Variants in PAX5 observed in about 807,000 individuals in gnomAD.
PAX5 encodes paired box protein Pax-5.
A neutral mutation model predicts 43.7 loss-of-function variants in PAX5; 9 were observed. That is an observed-to-expected ratio of 0.21 (90% CI 0.12 to 0.36). The LOEUF is 0.36. Among genes scored for constraint, PAX5 ranks in the 10% least tolerant of loss-of-function variants. The pLI, the probability that PAX5 is intolerant of heterozygous loss-of-function variation, is 1.00. For synonymous variants in PAX5, 228 were observed against 214.3 expected, an observed-to-expected ratio of 1.06 and a Z score of -0.56; for missense variants, 383 against 532.7, an observed-to-expected ratio of 0.72 and a Z score of 2.77.
Position 36,879,212 on chromosome 9 carries a change from G to A in PAX5, c.1012+2792C>T, listed in dbSNP as rs565247907. The stretch of plus-strand genomic sequence containing the variant: ...GTGATTCCTGCTGCCCTGTTAATGG[G>A]CAAAGAGTCGCCATCCATTCCCACT... On this transcript the variant is annotated intron_variant, in intron 8 of 9. Transcript: ENST00000358127. 2.2e-3 allele frequency among the ~76,000 whole-genome samples: 330 copies of A among 152,332 alleles called. 1 individual carries two copies. Among genetic ancestry groups the A allele is most frequent in the African/African-American group, 7.6e-3 (314 of 41,580 alleles).
At chr9:36,841,417 C>T (rs147959028) in intron 9 of PAX5, among the ~76,000 whole-genome samples, 123 of 152,386 alleles carry the variant, frequency 8.1e-4, no homozygotes, top group African/African-American at 2.9e-3. Flanking sequence ...GCACCCTCAC[C>T]CCTTTTCCCA....
chr9:36,953,537 G>C (rs1833186323), intron 6 of PAX5, among the ~76,000 whole-genome samples: 1 of 151,688 alleles, frequency 6.6e-6, no homozygotes, highest in South Asian at 2.1e-4. Context: ...TTTTCTCTTT[G>C]CTTTTCAGTG....
Position 36,954,192 on chromosome 9 carries a change from T to C in PAX5, c.780+12357A>G, listed in dbSNP as rs76756066. On this transcript the variant is annotated intron_variant, in intron 6 of 9. Coordinates refer to ENST00000358127, the MANE Select transcript of PAX5 (RefSeq NM_016734.3). ...ATATTTTGTTGAAAGTTGTACATGA[T>C]ACATGAAGTAATTGGACTAAAGTAA... is the stretch of plus-strand genomic sequence containing the variant. Among the ~76,000 whole-genome samples, 609 of 152,370 alleles carry C rather than the reference T, an allele frequency of 4.0e-3. 27 individuals carry two copies. The East Asian group carries it at 0.085, about 21-fold the overall frequency.
chr9:36,984,138 T>C (rs182581934), intron 5 of PAX5, among the ~76,000 whole-genome samples: 225 of 152,294 alleles, frequency 1.5e-3, no homozygotes, highest in Non-Finnish European at 1.7e-3. Flanking sequence ...TTCTCTCAGC[T>C]GTCTATACCT....
intron 8 of PAX5, among the ~76,000 whole-genome samples, chr9:36,868,051 A>G (rs1587816565): frequency 6.6e-6 from 1 of 152,168 alleles, no homozygotes; most frequent in East Asian, 1.9e-4. Flanking sequence ...TGAGGGCGAG[A>G]GGCAAGTCCC....
At chr9:37,025,559 G>A (rs991386083) in intron 1 of PAX5, among the ~76,000 whole-genome samples, 1 of 152,328 alleles carries the variant, frequency 6.6e-6, no homozygotes, top group African/African-American at 2.4e-5. Flanking sequence ...CTCCAGCCTG[G>A]CTCTGCAGCA....
intron 1 of PAX5, among the ~76,000 whole-genome samples, chr9:37,033,234 T>A (rs1485878033): frequency 6.6e-6 from 1 of 152,234 alleles, no homozygotes; most frequent in Non-Finnish European, 1.5e-5. Flanking sequence ...TCATTCCTGG[T>A]CCTATCTCCC....
chr9:36,878,992 G>A (rs927442903), intron 8 of PAX5, among the ~76,000 whole-genome samples: 1 of 152,206 alleles, frequency 6.6e-6, no homozygotes, highest in Admixed American at 6.5e-5. Flanking sequence ...GATGCAGAAG[G>A]AAAGAATGGA....
chr9:36,950,118 T>C (rs1832875605), intron 6 of PAX5, among the ~76,000 whole-genome samples: 2 of 152,164 alleles, frequency 1.3e-5, no homozygotes, highest in South Asian at 4.1e-4. Context: ...CATGCTCTCA[T>C]CCTGATGAGC....
In PAX5 at chr9:36,884,950, T is replaced by G. The variant is rs552437732; in HGVS notation, c.911-2845A>C. Among the ~76,000 whole-genome samples, 6 of 152,334 alleles carry G rather than the reference T, an allele frequency of 3.9e-5. 1 individual carries two copies. The South Asian group carries it at 1.0e-3, about 26-fold the overall frequency. ...GCCGCATGCACTCTACACATCACTC[T>G]GCCTCCGAGTTCCCATCACAGAGGG... On this transcript the variant is annotated intron_variant, in intron 7 of 9. Transcript: ENST00000358127.
chr9:37,009,955 A>T (rs1327865997), intron 3 of PAX5, among the ~76,000 whole-genome samples: 1 of 152,206 alleles, frequency 6.6e-6, no homozygotes, highest in Admixed American at 6.5e-5. Flanking sequence ...GGGATCTCAG[A>T]GTTATAGGCA....
In PAX5 at chr9:37,015,175, T is replaced by C; in HGVS notation, c.232A>G (p.Ile78Val). ...GATCCTCCAATTACCCCAGGCTTGA[T>C]GCTTCCTGTCTCATAATACCTAGGA... ...ILGRYYETGS[I>V]KPGVIGGSKP... is the part of the protein sequence containing the mutation. The change falls in exon 3 of 10, where the codon ATC becomes GTC. Residue 78 changes from isoleucine (I) to valine (V), a missense_variant. Coordinates refer to ENST00000358127, the MANE Select transcript of PAX5 (RefSeq NM_016734.3). The surrounding 1 kb of genome is among the most constrained non-coding windows in gnomAD (Gnocchi z 4.4). 6.2e-7 allele frequency: 1 copy of C among 1,614,178 alleles called. No homozygotes were observed. Among genetic ancestry groups the C allele is most frequent in the South Asian group, 1.1e-5 (1 of 91,076 alleles).
At chr9:36,948,029 C>T (rs552256810) in intron 6 of PAX5, among the ~76,000 whole-genome samples, 26 of 152,312 alleles carry the variant, frequency 1.7e-4, no homozygotes, top group East Asian at 3.9e-4. Context: ...ACGTCTCCCA[C>T]GTGCCAGGCA....
rs1346300644 is a variant in PAX5, at chr9:36,838,963, T to C, written c.*1597A>G. On this transcript the variant is annotated 3_prime_UTR_variant, in exon 10 of 10. Coordinates refer to ENST00000358127, the MANE Select transcript of PAX5 (RefSeq NM_016734.3). ...CTGGCTCTCTGCCATCCTGGTGACA[T>C]ACAGATATGGGGGACATTGTCACCT... is the stretch of plus-strand genomic sequence containing the variant. 5 of 233,210 alleles carry C rather than the reference T, an allele frequency of 2.1e-5. No homozygotes were observed. Among genetic ancestry groups the C allele is most frequent in the Non-Finnish European group, 4.2e-5 (5 of 118,126 alleles). The allele number at this position is 233,210 out of a possible 1,614,324, so 14.4% of individuals were successfully genotyped here. A position where few individuals can be genotyped will look rare whatever the true frequency, so the allele number is the denominator to read the frequency against.
rs546935341 is a variant in PAX5, at chr9:36,948,903, C to A, written c.780+17646G>T. Among the ~76,000 whole-genome samples the A allele has an allele frequency of 1.2e-4, 19 of 152,194 alleles. No homozygotes were observed. In the South Asian group the frequency reaches 3.9e-3, roughly 32 times the overall value. On this transcript the variant is annotated intron_variant, in intron 6 of 9. Coordinates refer to ENST00000358127, the MANE Select transcript of PAX5 (RefSeq NM_016734.3). ...TTCCCACCATGACCCTGACTCTCTG[C>A]CCTGTAGAACCTCTGATGTGGCAGA...
chr9:36,898,160 G>A (rs1337429609), intron 7 of PAX5, among the ~76,000 whole-genome samples: 2 of 152,148 alleles, frequency 1.3e-5, no homozygotes, highest in Non-Finnish European at 2.9e-5. Context: ...GCAGTCTTCT[G>A]GTTAAAACAA....
At chr9:37,030,312 C>CCGTG (rs1194116417) in intron 1 of PAX5, among the ~76,000 whole-genome samples, 2 of 152,232 alleles carry the variant, frequency 1.3e-5, no homozygotes. Flanking sequence ...GGACCTCATA[C>CCGTG]CGTGACCACC....
At chr9:36,848,317 C>A (rs943100572) in intron 8 of PAX5, among the ~76,000 whole-genome samples, 1 of 145,322 alleles carries the variant, frequency 6.9e-6, no homozygotes, top group African/African-American at 2.6e-5. Context: ...TAGCTGGCTT[C>A]CCCCGCACCT....
chr9:36,910,004 G>T (rs931206467), intron 7 of PAX5, among the ~76,000 whole-genome samples: 3 of 151,596 alleles, frequency 2.0e-5, no homozygotes, highest in Admixed American at 2.0e-4. Context: ...GTAGATTTTT[G>T]TAGAGACGGG....
Sources: allele counts gnomAD v4.1 joint callset (sites outside exome capture counted in the v4.1 genomes callset), GRCh38; gene constraint gnomAD v4.1.1; non-coding constraint Gnocchi (gnomAD v3.1); transcripts MANE v1.5; gene names NCBI Gene and HGNC (gene_info 2026-07-23, HGNC 2026-07-21).